FGF13: variants seen among roughly 807,000 people sequenced by gnomAD.
FGF13 encodes the protein fibroblast growth factor 13.
FGF13 carries 2 observed loss-of-function variants against 19.5 expected under a neutral mutation model. The ratio of observed to expected loss-of-function variants is 0.10; its 90% confidence interval spans 0.04 to 0.32. The LOEUF (loss-of-function observed/expected upper bound fraction) is 0.32, where lower values mean the gene tolerates loss of function less well. FGF13 is among the 10% of genes least tolerant of loss of function. The probability of loss-of-function intolerance (pLI) is 1.00; values close to 1 mark genes in which losing one functional copy is unlikely to be tolerated. For missense variants in FGF13, 113 were observed against 192.7 expected (o/e 0.59, Z 2.45); for synonymous variants, 72 against 76.9 (o/e 0.94, Z 0.33).
intron 3 of FGF13, among the ~76,000 whole-genome samples, chrX:138,683,603 C>T (rs1410558115): frequency 9.0e-6 from 1 of 111,490 alleles, no homozygotes; most frequent in African/African-American, 3.3e-5. Context: ...ACTAATTGCA[C>T]CATAGATGCA....
chrX:139,146,383 C>T lies in FGF13; in HGVS notation c.-113+57033G>A, dbSNP rs770661339. On this transcript the variant is annotated intron_variant, in intron 1 of 2. Transcript: ENST00000421460. ...CACATGAAAAAATGCTCATCATCACCGGCCATCAGAGAAATGCAAATCAAA... is the reference window on the plus strand; with the variant it reads ...CACATGAAAAAATGCTCATCATCACTGGCCATCAGAGAAATGCAAATCAAA... Among the ~76,000 whole-genome samples, 493 of 112,028 alleles carry T rather than the reference C, an allele frequency of 4.4e-3. 2 individuals carry two copies. The highest frequency in any genetic ancestry group is 0.015 in the African/African-American group (468 of 30,850).
upstream of FGF13, chrX:138,716,326 G>C (rs1264725449): frequency 8.9e-6 from 1 of 112,222 alleles, no homozygotes; most frequent in African/African-American, 3.2e-5. Flanking sequence ...AGGTAGCCAA[G>C]TACCACCTTT....
chrX:139,110,477 C>T (rs950660532), intron 1 of FGF13, among the ~76,000 whole-genome samples: 4 of 110,488 alleles, frequency 3.6e-5, no homozygotes. Context: ...GTTTTATAAG[C>T]GGTTTCCACT....
chrX:139,123,946 G>A (rs1314578615), intron 1 of FGF13, among the ~76,000 whole-genome samples: 6 of 112,270 alleles, frequency 5.3e-5, no homozygotes, highest in Non-Finnish European at 1.1e-4. Context: ...TTAACAAGGG[G>A]ACGAGGCACA....
Position 138,835,223 on chromosome X carries a change from G to A in FGF13, c.217+22289C>T, listed in dbSNP as rs139662123. 8.8e-3 allele frequency among the ~76,000 whole-genome samples: 976 copies of A among 111,235 alleles called. 8 individuals carry two copies. The highest frequency in any genetic ancestry group is 0.03 in the African/African-American group (905 of 30,584). On this transcript the variant is annotated intron_variant, in intron 3 of 6. Coordinates refer to the FGF13 transcript ENST00000436198. ...CTGAATATCTGTGTTAATTCTCTGT[G>A]CCAGTGATCTAATGTTGTCAGTGGG... is the stretch of plus-strand genomic sequence containing the variant.
intron 1 of FGF13, among the ~76,000 whole-genome samples, chrX:138,937,181 C>A (rs1049911662): frequency 4.5e-5 from 5 of 111,284 alleles, no homozygotes; most frequent in South Asian, 3.8e-4. Flanking sequence ...CCCTTCTGGT[C>A]TTACAAGTCA....
rs924639857 is a variant in FGF13 at position 139,077,376 on chromosome X, G to A, written c.-113+126040C>T. 4.5e-5 allele frequency among the ~76,000 whole-genome samples: 5 copies of A among 111,749 alleles called. No homozygotes were observed. The Admixed American group carries it at 4.8e-4, about 11-fold the overall frequency. Reference sequence around the variant, plus strand: ...CTTAGGTTTGTTTGAAATAAAATTCGCCTTTGAATGTCACAGGGAATTTTT... The same window carrying A: ...CTTAGGTTTGTTTGAAATAAAATTCACCTTTGAATGTCACAGGGAATTTTT... On this transcript the variant is annotated intron_variant, in intron 1 of 2. Transcript: ENST00000421460.
intron 3 of FGF13, among the ~76,000 whole-genome samples, chrX:138,650,055 T>A (rs1275962735): frequency 8.9e-6 from 1 of 112,169 alleles, no homozygotes; most frequent in African/African-American, 3.2e-5. Context: ...GCATGTGCCT[T>A]CTCTAGACAG....
intron 3 of FGF13, among the ~76,000 whole-genome samples, chrX:138,838,700 A>T (rs999158985): frequency 2.7e-5 from 3 of 111,716 alleles, no homozygotes; most frequent in African/African-American, 9.8e-5. Context: ...TGGAGCTTCT[A>T]GTCAGCCTTC....
intron 1 of FGF13, among the ~76,000 whole-genome samples, chrX:139,128,359 C>G (rs2083733368): frequency 8.9e-6 from 1 of 111,851 alleles, no homozygotes; most frequent in African/African-American, 3.3e-5. Flanking sequence ...AACTACGACA[C>G]CAATCATTAT....
At chrX:138,794,656 C>T (rs182462099) in intron 3 of FGF13, among the ~76,000 whole-genome samples, 5 of 111,255 alleles carry the variant, frequency 4.5e-5, no homozygotes, top group Non-Finnish European at 7.5e-5. Flanking sequence ...TATTTAGTCG[C>T]GGAGAACATC....
At chrX:139,196,453 G>A (rs1376431548) in intron 1 of FGF13, among the ~76,000 whole-genome samples, 2 of 111,435 alleles carry the variant, frequency 1.8e-5, no homozygotes, top group Non-Finnish European at 3.8e-5. Context: ...AGGGTACCCC[G>A]GCACAGCACC....
chrX:139,079,187 T>C (rs764666534), intron 1 of FGF13, among the ~76,000 whole-genome samples: 6 of 111,436 alleles, frequency 5.4e-5, no homozygotes, highest in Middle Eastern at 4.6e-3. Flanking sequence ...TAGGAGATGA[T>C]GACAGCATGT....
rs1435613769 is a variant in FGF13, at chrX:139,081,919, T to G, written c.-113+121497A>C. Among the ~76,000 whole-genome samples the G allele has an allele frequency of 2.7e-5, 3 of 112,030 alleles. No homozygotes were observed. The East Asian group carries it at 8.4e-4, about 31-fold the overall frequency. ...CTACCCTTGCTCTGTGACTGACTGT[T>G]GTCCACACAACAACTACAGTGATCA... On this transcript the variant is annotated intron_variant, in intron 1 of 2. Coordinates refer to the FGF13 transcript ENST00000421460.
At chrX:138,896,424 T>C (rs1239066543) in intron 1 of FGF13, among the ~76,000 whole-genome samples, 1 of 111,810 alleles carries the variant, frequency 8.9e-6, no homozygotes, top group Non-Finnish European at 1.9e-5. Flanking sequence ...TATACTTTTC[T>C]TTCACCAACC....
At chrX:139,161,083 T>C (rs1358416690) in intron 1 of FGF13, among the ~76,000 whole-genome samples, 1 of 111,931 alleles carries the variant, frequency 8.9e-6, no homozygotes, top group East Asian at 2.8e-4. Flanking sequence ...TGAACATAGA[T>C]GCAAAAATCC....
chrX:138,908,760 T>C (rs1284066904), intron 1 of FGF13, among the ~76,000 whole-genome samples: 2 of 112,035 alleles, frequency 1.8e-5, no homozygotes, highest in Non-Finnish European at 3.8e-5. Flanking sequence ...CAGGTATTGC[T>C]ATTATTCTGA....
intron 1 of FGF13, among the ~76,000 whole-genome samples, chrX:139,145,277 G>T (rs1381607556): frequency 9.0e-6 from 1 of 111,473 alleles, no homozygotes; most frequent in Admixed American, 9.5e-5. Flanking sequence ...AATCAAATGG[G>T]CATCAAATCA....
chrX:138,710,750 C>T lies in FGF13; in HGVS notation c.187+67G>A, dbSNP rs777744394. 4.1e-4 allele frequency: 491 copies of T among 1,184,386 alleles called. 2 individuals carry two copies. In the South Asian group the frequency reaches 6.7e-3, roughly 16 times the overall value. ...CCAACAAACTCACCTATGCTACATACCTGCTCCCCACCGCCCCCACCTCAC... is the reference window on the plus strand; with the variant it reads ...CCAACAAACTCACCTATGCTACATATCTGCTCCCCACCGCCCCCACCTCAC... On this transcript the variant is annotated intron_variant, in intron 1 of 4. Transcript: ENST00000315930.
Sources: gnomAD v4.1 joint callset for allele counts (sites outside exome capture counted in the v4.1 genomes callset) on GRCh38, gnomAD v4.1.1 for gene constraint, MANE v1.5 for transcripts, NCBI Gene and HGNC (gene_info 2026-07-23, HGNC 2026-07-21) for gene names.